Variants in IL18R1 observed in about 807,000 individuals in gnomAD.
IL18R1 encodes the protein interleukin 18 receptor 1, also known as interleukin-18 receptor 1.
IL18R1 carries 40 observed loss-of-function variants against 48.5 expected under a neutral mutation model. The observed-to-expected ratio is 0.82, with a 90% CI of 0.64 to 1.07. The LOEUF (loss-of-function observed/expected upper bound fraction) is 1.07, where lower values mean the gene tolerates loss of function less well. Ranked by LOEUF, IL18R1 falls within the 50% of genes least tolerant of loss-of-function variation. The pLI, the probability that IL18R1 is intolerant of heterozygous loss-of-function variation, is 0.00. For missense variants in IL18R1, 596 were observed against 633.7 expected, an observed-to-expected ratio of 0.94 and a Z score of 0.64; for synonymous variants, 232 against 225.9, an observed-to-expected ratio of 1.03 and a Z score of -0.24.
chr2:102,357,801 A>G (rs982825569), intron 1 of IL18R1, among the ~76,000 whole-genome samples: 1 of 152,186 alleles, frequency 6.6e-6, no homozygotes, highest in Non-Finnish European at 1.5e-5. Context: ...GACAAGGACT[A>G]TGAGGTGGCA....
intron 6 of IL18R1, among the ~76,000 whole-genome samples, chr2:102,383,176 G>A (rs1680017224): frequency 6.6e-6 from 1 of 152,102 alleles, no homozygotes; most frequent in Admixed American, 6.5e-5. Flanking sequence ...TCAACCTTTT[G>A]GAATTTGTAG....
Position 102,381,690 on chromosome 2 carries a change from T to C in IL18R1, c.688+8T>C. On this transcript the variant is annotated splice_region_variant and intron_variant, in intron 6 of 10. Coordinates refer to ENST00000233957, the MANE Select transcript of IL18R1 (RefSeq NM_003855.5). ...ATGTTGCAGTGGAATTAGGTATATT[T>C]CAATATACATATATTCTGCATTTAT... is the stretch of plus-strand genomic sequence containing the variant. 1 of 1,572,928 alleles carries C rather than the reference T, an allele frequency of 6.4e-7. No individual in the cohort carries two copies. The highest frequency in any genetic ancestry group is 1.3e-5 in the African/African-American group (1 of 74,248).
rs904204970 is a variant in IL18R1, at chr2:102,372,084, A to G, written c.434A>G (p.Tyr145Cys). ...FFQITCENSY[Y>C]QTLVNSTSLY... ...CAGATAACCTGTGAAAACAGTTACTATCAAACACTGGTCAACAGCACATCA... is the reference window on the plus strand; with the variant it reads ...CAGATAACCTGTGAAAACAGTTACTGTCAAACACTGGTCAACAGCACATCA... The change falls in exon 4 of 11, where the codon TAT (tyrosine) becomes TGT (cysteine). Residue 145 changes from tyrosine (Y) to cysteine (C), a missense_variant. Tyr to Cys is a radical substitution (Grantham distance 194, BLOSUM62 -2). Transcript: ENST00000233957. The G allele has an allele frequency of 5.0e-6, 8 of 1,605,550 alleles. No individual in the cohort carries two copies. The highest frequency in any genetic ancestry group is 1.1e-5 in the South Asian group (1 of 88,696).
At chr2:102,375,168 T>G (rs1679502407) in intron 4 of IL18R1, among the ~76,000 whole-genome samples, 1 of 152,204 alleles carries the variant, frequency 6.6e-6, no homozygotes, top group Admixed American at 6.5e-5. Flanking sequence ...GCAGAAACAG[T>G]GTCCAATGGT....
chr2:102,386,093 T>C (rs1573222473), intron 7 of IL18R1, among the ~76,000 whole-genome samples: 1 of 152,276 alleles, frequency 6.6e-6, no homozygotes, highest in East Asian at 1.9e-4. Flanking sequence ...AAAATGTACT[T>C]GAGGCAGTTG....
At chr2:102,389,467 A>C (rs1680436701) in intron 8 of IL18R1, among the ~76,000 whole-genome samples, 2 of 152,250 alleles carry the variant, frequency 1.3e-5, no homozygotes, top group Non-Finnish European at 2.9e-5. Flanking sequence ...AGAATTTGCT[A>C]AAATTCCAAG....
At chr2:102,361,238 T>C (rs1198223088) in intron 1 of IL18R1, among the ~76,000 whole-genome samples, 1 of 152,184 alleles carries the variant, frequency 6.6e-6, no homozygotes, top group East Asian at 1.9e-4. Flanking sequence ...AAAATGTGTG[T>C]GGAGGTAGTG....
chr2:102,372,606 T>C (rs1432477532), intron 4 of IL18R1, among the ~76,000 whole-genome samples: 1 of 151,906 alleles, frequency 6.6e-6, no homozygotes, highest in Non-Finnish European at 1.5e-5. Context: ...CAGACTTTTT[T>C]TTTCTGTGAA....
chr2:102,386,972 C>T lies in IL18R1; in HGVS notation c.921C>T (p.Asp307=), dbSNP rs751735811. 3 of 1,613,280 alleles carry T rather than the reference C, an allele frequency of 1.9e-6. No individual in the cohort carries two copies. The highest frequency in any genetic ancestry group is 2.5e-6 in the Non-Finnish European group (3 of 1,179,740). ...CTGTGGCCAGCACGGGAGGCACAGA[C>T]ACCAAAAGCTTCATCTTGGTGAGAA... ...NCTVASTGGT[D]TKSFILVRKA... is the part of the protein sequence containing the mutation. Residue 307 remains aspartate (D), a synonymous_variant, in exon 8 of 11, where the codon GAC becomes GAT. Coordinates refer to ENST00000233957, the MANE Select transcript of IL18R1 (RefSeq NM_003855.5).
intron 9 of IL18R1, among the ~76,000 whole-genome samples, chr2:102,393,665 G>A (rs1263177955): frequency 1.3e-5 from 2 of 152,156 alleles, no homozygotes; most frequent in Non-Finnish European, 2.9e-5. Context: ...AATATGCCAT[G>A]CATAAATCTT....
chr2:102,357,185 G>C (rs1242824714), intron 1 of IL18R1, among the ~76,000 whole-genome samples: 1 of 152,120 alleles, frequency 6.6e-6, no homozygotes, highest in Non-Finnish European at 1.5e-5. Context: ...ACATCCAAAG[G>C]CTGAGAACTA....
intron 1 of IL18R1, among the ~76,000 whole-genome samples, chr2:102,361,507 G>C (rs1260395190): frequency 1.3e-5 from 2 of 152,192 alleles, no homozygotes; most frequent in African/African-American, 4.8e-5. Flanking sequence ...GCATTATTCT[G>C]AGCTGAGAAG....
chr2:102,363,874 G>T (rs1369304884), intron 2 of IL18R1, among the ~76,000 whole-genome samples: 4 of 152,220 alleles, frequency 2.6e-5, no homozygotes, highest in Non-Finnish European at 5.9e-5. Context: ...GGCATTGGTT[G>T]TTGGCACTGC....
At chr2:102,373,153 T>C (rs911610452) in intron 4 of IL18R1, among the ~76,000 whole-genome samples, 19 of 152,260 alleles carry the variant, frequency 1.2e-4, no homozygotes, top group African/African-American at 4.3e-4. Context: ...TATATATTTA[T>C]TGCATCTTAC....
intron 3 of IL18R1, among the ~76,000 whole-genome samples, chr2:102,369,962 C>T (rs543691748): frequency 7.2e-5 from 11 of 152,340 alleles, no homozygotes; most frequent in African/African-American, 2.6e-4. Context: ...GAAATGTACA[C>T]ACAGAAATCT....
chr2:102,357,765 A>G (rs1160873957), intron 1 of IL18R1, among the ~76,000 whole-genome samples: 1 of 152,182 alleles, frequency 6.6e-6, no homozygotes, highest in African/African-American at 2.4e-5. Context: ...GGGGGGAAGC[A>G]TAAGGCTAAC....
At position 102,396,877 on chromosome 2, in the gene IL18R1, C is replaced by T. The variant is rs367837052; in HGVS notation, c.1617C>T (p.Ser539=). ...RDEPEVLPVL[S]ES The stretch of plus-strand genomic sequence containing the variant: ...AACCGGAAGTCTTGCCTGTTCTTTC[C>T]GAGTCTTAATCTTCAGAAACAGTGA... The change falls in exon 11 of 11, where the codon TCC becomes TCT. Residue 539 remains serine (S), a synonymous_variant. Coordinates refer to ENST00000233957, the MANE Select transcript of IL18R1 (RefSeq NM_003855.5). The T allele has an allele frequency of 9.1e-5, 144 of 1,578,906 alleles. No individual in the cohort carries two copies. Among genetic ancestry groups the T allele is most frequent in the Non-Finnish European group, 1.1e-4 (134 of 1,166,514 alleles).
chr2:102,357,098 G>T (rs935514115), intron 1 of IL18R1, among the ~76,000 whole-genome samples: 6 of 152,194 alleles, frequency 3.9e-5, no homozygotes, highest in African/African-American at 1.4e-4. Context: ...CCTTGGATGG[G>T]CTAGGAGGGG....
chr2:102,383,410 A>C lies in IL18R1; in HGVS notation c.689-1468A>C, dbSNP rs1231103009. 3.3e-5 allele frequency among the ~76,000 whole-genome samples: 5 copies of C among 152,214 alleles called. No individual in the cohort carries two copies. The East Asian group carries it at 9.6e-4, about 29-fold the overall frequency. On this transcript the variant is annotated intron_variant, in intron 6 of 10. Coordinates refer to ENST00000233957, the MANE Select transcript of IL18R1 (RefSeq NM_003855.5). ...TGAATATCTCCAGCTATTATGGTCA[A>C]TGTGTCTCTATCTCCTTTAGTTCTG...
Sources: gnomAD v4.1 joint callset for allele counts (sites outside exome capture counted in the v4.1 genomes callset) on GRCh38, gnomAD v4.1.1 for gene constraint, MANE v1.5 for transcripts, NCBI Gene and HGNC (gene_info 2026-07-23, HGNC 2026-07-21) for gene names.